Variants in GLMN observed in about 807,000 individuals in gnomAD.
The protein encoded by GLMN is glomulin, FKBP associated protein, also known as glomulin.
A neutral mutation model predicts 87.8 loss-of-function variants in GLMN; 75 were observed. The observed-to-expected ratio is 0.85, with a 90% CI of 0.71 to 1.04. The LOEUF (loss-of-function observed/expected upper bound fraction) is 1.04. Among genes scored for constraint, GLMN ranks in the 50% least tolerant of loss-of-function variants. The pLI is 0.00. For synonymous variants in GLMN, 206 were observed against 221.6 expected, an observed-to-expected ratio of 0.93 and a Z score of 0.63; for missense variants, 588 against 658.8, an observed-to-expected ratio of 0.89 and a Z score of 1.18.
At chr1:92,348,637 T>C in the GLMN span, among the ~76,000 whole-genome samples, 1,217 of 152,338 alleles carry the variant, frequency 8.0e-3, 13 homozygotes, top group African/African-American at 0.028. Context: ...TTCATATTTC[T>C]GCCCCCACTG....
intron 16 of GLMN, among the ~76,000 whole-genome samples, chr1:92,249,367 A>T (rs898883913): frequency 4.0e-5 from 6 of 151,030 alleles, no homozygotes; most frequent in Non-Finnish European, 8.8e-5. Flanking sequence ...CTTAACCTCT[A>T]ATGGCAAATT....
At chr1:92,304,810 A>G in the GLMN span, among the ~76,000 whole-genome samples, 8 of 152,212 alleles carry the variant, frequency 5.3e-5, no homozygotes, top group Non-Finnish European at 1.2e-4. Context: ...AATTTTAGGT[A>G]GATTAAAGAC....
the GLMN span, among the ~76,000 whole-genome samples, chr1:92,347,501 A>T: frequency 1.3e-4 from 20 of 152,222 alleles, no homozygotes; most frequent in Non-Finnish European, 2.5e-4. Flanking sequence ...TTTCTAAGCC[A>T]CTTACTGAAA....
the GLMN span, among the ~76,000 whole-genome samples, chr1:92,316,125 G>A: frequency 1.1e-4 from 17 of 152,292 alleles, 1 homozygote; most frequent in South Asian, 3.5e-3. Context: ...AAGGACAAAT[G>A]TGGAAAATCA....
intron 7 of GLMN, 24 bp from the exon 8 acceptor site, chr1:92,271,676 A>G (rs745713593): frequency 1.3e-6 from 2 of 1,513,094 alleles, no homozygotes; most frequent in Non-Finnish European, 1.8e-6. Flanking sequence ...AAAAAAGGAA[A>G]CCATAGCACA....
At chr1:92,290,115 G>T in intron 5 of GLMN, 83 bp downstream of exon 5, 2 of 808,562 alleles carry the variant, frequency 2.5e-6, no homozygotes, top group South Asian at 1.4e-5. Context: ...ACTTTACTTT[G>T]GTGTAGTATT....
intron 7 of GLMN, among the ~76,000 whole-genome samples, chr1:92,271,907 G>A (rs1306389635): frequency 6.6e-6 from 1 of 152,102 alleles, no homozygotes; most frequent in East Asian, 1.9e-4. Flanking sequence ...GAGTTGGGTG[G>A]CCCTAACTTA....
the GLMN span, among the ~76,000 whole-genome samples, chr1:92,331,202 T>C: frequency 1.3e-5 from 2 of 152,226 alleles, no homozygotes; most frequent in African/African-American, 2.4e-5. Context: ...TGGAGCAACC[T>C]TTCTATTTGC....
chr1:92,292,194 G>A (rs1025173468), intron 3 of GLMN, among the ~76,000 whole-genome samples: 1 of 152,064 alleles, frequency 6.6e-6, no homozygotes. Context: ...ATATTCTAGA[G>A]GTTAGAAATA....
intron 12 of GLMN, 52 bp downstream of exon 12, chr1:92,266,648 C>G: frequency 7.5e-7 from 1 of 1,339,024 alleles, no homozygotes; most frequent in Non-Finnish European, 1.1e-6. Context: ...AATTATTTGT[C>G]AAATTTTCTC....
chr1:92,333,147 TA>T, the GLMN span: 1 of 437,636 alleles, frequency 2.3e-6, no homozygotes, highest in South Asian at 4.6e-5. Context: ...ATAAAGGAGG[TA>T]TTAATATCCC....
intron 6 of GLMN, among the ~76,000 whole-genome samples, chr1:92,287,934 G>T (rs775604449): frequency 6.6e-6 from 1 of 151,800 alleles, no homozygotes; most frequent in Non-Finnish European, 1.5e-5. Flanking sequence ...GAAAAAAGTA[G>T]TAAGAATGGG....
chr1:92,312,926 C>T, the GLMN span, among the ~76,000 whole-genome samples: 2 of 151,982 alleles, frequency 1.3e-5, no homozygotes, highest in South Asian at 2.1e-4. Context: ...AGTTCAGTGG[C>T]GAAATCTCAG....
intron 16 of GLMN, among the ~76,000 whole-genome samples, chr1:92,258,858 C>T (rs1654620489): frequency 6.6e-6 from 1 of 151,900 alleles, no homozygotes; most frequent in African/African-American, 2.4e-5. Context: ...TGTAACAAAC[C>T]TGCACGTTCT....
chr1:92,338,978 G>T, the GLMN span, among the ~76,000 whole-genome samples: 1 of 152,100 alleles, frequency 6.6e-6, no homozygotes, highest in Non-Finnish European at 1.5e-5. Flanking sequence ...TCACCATTCT[G>T]AGCAAACCGA....
rs553671946 is a variant in GLMN, at chr1:92,298,174, C to G, written c.-30-145G>C. On this transcript the variant is annotated intron_variant, in intron 1 of 18. Transcript: ENST00000370360. ...TTGTGTTTTTTGGTCCAATAGCATG[C>G]TAGGAGAAAATGTAAAGTTTTAAAG... The G allele has an allele frequency of 5.2e-6, 3 of 578,356 alleles. No individual in the cohort carries two copies. In the African/African-American group the frequency reaches 5.7e-5, roughly 11 times the overall value. The allele number at this position is 578,356 out of a possible 1,614,324, so 35.8% of individuals were successfully genotyped here.
chr1:92,328,764 T>C, the GLMN span, among the ~76,000 whole-genome samples: 1 of 152,178 alleles, frequency 6.6e-6, no homozygotes, highest in African/African-American at 2.4e-5. Flanking sequence ...TTCCTTCTCA[T>C]TTGGGTAGAC....
chr1:92,255,218 A>AAT (rs1362869304), intron 16 of GLMN, among the ~76,000 whole-genome samples: 5 of 152,208 alleles, frequency 3.3e-5, no homozygotes, highest in Non-Finnish European at 7.3e-5. Context: ...AACTATCTTA[A>AAT]ATATATATAA....
chr1:92,341,157 C>T, the GLMN span, among the ~76,000 whole-genome samples: 3 of 152,046 alleles, frequency 2.0e-5, no homozygotes, highest in African/African-American at 7.2e-5. Flanking sequence ...TACAGACACA[C>T]ACCAGCATGC....
Sources: gnomAD v4.1 joint callset for allele counts (sites outside exome capture counted in the v4.1 genomes callset) on GRCh38, gnomAD v4.1.1 for gene constraint, MANE v1.5 for transcripts, NCBI Gene and HGNC (gene_info 2026-07-23, HGNC 2026-07-21) for gene names.